PWWP2A: variants seen among roughly 807,000 people sequenced by gnomAD.
PWWP2A encodes PWWP domain-containing protein 2A.
A neutral mutation model predicts 48.5 loss-of-function variants in PWWP2A; 18 were observed. The ratio of observed to expected loss-of-function variants is 0.37; its 90% CI spans 0.26 to 0.55. The LOEUF is 0.55. PWWP2A is among the 20% of genes least tolerant of loss of function. The probability of loss-of-function intolerance (pLI) is 0.81; values close to 1 mark genes in which losing one functional copy is unlikely to be tolerated. For synonymous variants in PWWP2A, 396 were observed against 387.7 expected, an observed-to-expected ratio of 1.02 and a Z score of -0.25; for missense variants, 867 against 976.4, an observed-to-expected ratio of 0.89 and a Z score of 1.49.
At chr5:160,044,803 T>A in the PWWP2A span, among the ~76,000 whole-genome samples, 1 of 152,188 alleles carries the variant, frequency 6.6e-6, no homozygotes, top group African/African-American at 2.4e-5. Context: ...GCCCAGTAGG[T>A]CTCAGCCTTA....
Position 160,118,987 on chromosome 5 carries a change from C to T in PWWP2A, c.402G>A (p.Pro134=), listed in dbSNP as rs1252151013. Residue 134 remains proline (P), a synonymous_variant, in exon 1 of 2, where the codon CCG becomes CCA. Coordinates refer to ENST00000307063, the MANE Select transcript of PWWP2A (RefSeq NM_001130864.2). Reference sequence around the variant, plus strand: ...GCGCCGGGGCTACGGGCTGAGGCAGCGGCGGCTCCTCGCGCTCCTCGGGAG... The same window carrying T: ...GCGCCGGGGCTACGGGCTGAGGCAGTGGCGGCTCCTCGCGCTCCTCGGGAG... ...PPAPEEREEP[P]LPQPVAPALV... The T allele has an allele frequency of 6.3e-7, 1 of 1,596,428 alleles. No homozygotes were observed. Among genetic ancestry groups the T allele is most frequent in the Non-Finnish European group, 8.5e-7 (1 of 1,173,588 alleles).
At chr5:160,076,436 G>C (rs1293722779) in exon 4 of PWWP2A, 1 of 152,170 alleles carries the variant, frequency 6.6e-6, no homozygotes, top group African/African-American at 2.4e-5. Flanking sequence ...AGGCCATATA[G>C]AGTAGGGCAC....
At chr5:160,059,860 A>T (rs1437153456), downstream of PWWP2A, among the ~76,000 whole-genome samples, 3 of 152,354 alleles carry the variant, frequency 2.0e-5, no homozygotes, top group Non-Finnish European at 4.4e-5. Flanking sequence ...TATGAAAGAG[A>T]CATGAAATGA....
At chr5:160,089,777 A>C (rs1754921957), downstream of PWWP2A, 3 of 985,446 alleles carry the variant, frequency 3.0e-6, no homozygotes, top group Non-Finnish European at 3.6e-6. Context: ...GGTCTAAGCC[A>C]GTTTACTCCC....
chr5:160,101,807 A>T (rs200118457), intron 1 of PWWP2A, among the ~76,000 whole-genome samples: 5,872 of 120,128 alleles, frequency 0.049, 133 homozygotes, highest in East Asian at 0.11. Flanking sequence ...ACCAACTATT[A>T]AAAAAAAAAA....
At chr5:160,049,604 A>G in the PWWP2A span, 10 of 1,610,898 alleles carry the variant, frequency 6.2e-6, no homozygotes, top group East Asian at 4.5e-5. Flanking sequence ...GCCCTGGAAG[A>G]CTATAAATCT....
downstream of PWWP2A, among the ~76,000 whole-genome samples, chr5:160,058,525 C>A (rs1757608073): frequency 6.6e-6 from 1 of 151,798 alleles, no homozygotes; most frequent in South Asian, 2.1e-4. Context: ...ATTCTCCTGC[C>A]TCAGCCTCCT....
intron 2 of PWWP2A, among the ~76,000 whole-genome samples, chr5:160,084,574 G>A (rs1038741101): frequency 2.6e-5 from 4 of 151,294 alleles, no homozygotes; most frequent in African/African-American, 4.9e-5. Context: ...GACTACAGGC[G>A]TGCACCACCG....
chr5:160,118,611 A>T (rs1758380766), intron 1 of PWWP2A, among the ~76,000 whole-genome samples, 194 bp downstream of exon 1: 1 of 149,602 alleles, frequency 6.7e-6, no homozygotes, highest in African/African-American at 2.4e-5. Flanking sequence ...GCAGGCGCCC[A>T]CCTGGGGCCG....
In PWWP2A at chr5:160,078,685, A is replaced by C. The variant is rs1754020206; in HGVS notation, c.1670-517T>G. Among the ~76,000 whole-genome samples the C allele has an allele frequency of 6.6e-6, 1 of 152,198 alleles. No individual in the cohort carries two copies. Among genetic ancestry groups the C allele is most frequent in the African/African-American group, 2.4e-5 (1 of 41,462 alleles). On this transcript the variant is annotated intron_variant, in intron 3 of 3. Coordinates refer to the PWWP2A transcript ENST00000456329. The surrounding 1 kb of genome is among the most constrained non-coding windows in gnomAD (Gnocchi z 4.2). ...GGTCACACTGTCCACATACTTGCAA[A>C]GAGCAAAATAAGAAGGGAATGGAGG...
At chr5:160,088,795 C>G (rs970325552), downstream of PWWP2A, among the ~76,000 whole-genome samples, 1 of 152,148 alleles carries the variant, frequency 6.6e-6, no homozygotes, top group Non-Finnish European at 1.5e-5. Flanking sequence ...AGAAAATTAA[C>G]AACTTAAAAG....
chr5:160,104,695 C>T (rs147192463), intron 1 of PWWP2A, among the ~76,000 whole-genome samples: 1 of 152,188 alleles, frequency 6.6e-6, no homozygotes, highest in East Asian at 1.9e-4. Flanking sequence ...ATCCCAGCTA[C>T]TCATGAGGCT....
intron 1 of PWWP2A, among the ~76,000 whole-genome samples, chr5:160,095,441 A>T (rs1755534448): frequency 6.6e-6 from 1 of 152,172 alleles, no homozygotes; most frequent in Non-Finnish European, 1.5e-5. Flanking sequence ...AAATCAAATC[A>T]CACTACCAAA....
intron 1 of PWWP2A, among the ~76,000 whole-genome samples, chr5:160,110,598 C>T (rs1305596724): frequency 6.6e-6 from 1 of 151,796 alleles, no homozygotes; most frequent in Non-Finnish European, 1.5e-5. Flanking sequence ...CACAGCTACT[C>T]GGGAGGCTGA....
the PWWP2A span, among the ~76,000 whole-genome samples, chr5:160,050,474 A>T: frequency 8.0e-3 from 1,219 of 152,218 alleles, 7 homozygotes; most frequent in Non-Finnish European, 0.012. Flanking sequence ...AAATGAATTT[A>T]AAAAAAAGTT....
Position 160,078,117 on chromosome 5 carries a change from G to C in PWWP2A, c.*38C>G. ...CAGTCCTGATGCTCTGGTGTTCTCT[G>C]TGTCATTGTGGTACAGGTCCATGAA... On this transcript the variant is annotated 3_prime_UTR_variant, in exon 4 of 4. Coordinates refer to the PWWP2A transcript ENST00000456329. The surrounding 1 kb of genome is among the most constrained non-coding windows in gnomAD (Gnocchi z 4.2). The C allele has an allele frequency of 6.5e-7, 1 of 1,529,838 alleles. No homozygotes were observed. Among genetic ancestry groups the C allele is most frequent in the Non-Finnish European group, 8.9e-7 (1 of 1,124,682 alleles). The allele number at this position is 1,529,838 out of a possible 1,614,324, so 94.8% of individuals were successfully genotyped here.
downstream of PWWP2A, among the ~76,000 whole-genome samples, chr5:160,073,213 T>G (rs1473930946): frequency 7.1e-6 from 1 of 140,522 alleles, no homozygotes; most frequent in African/African-American, 2.7e-5. Context: ...GGCAGGTTAT[T>G]AGTATAAAAA....
chr5:160,083,407 G>A (rs1296540230), intron 2 of PWWP2A, among the ~76,000 whole-genome samples: 4 of 152,284 alleles, frequency 2.6e-5, no homozygotes, highest in Non-Finnish European at 2.9e-5. Flanking sequence ...TTCCCTCCTA[G>A]AAAGAGGAGA....
intron 1 of PWWP2A, among the ~76,000 whole-genome samples, chr5:160,104,555 C>T (rs1251191459): frequency 6.6e-6 from 1 of 152,128 alleles, no homozygotes; most frequent in Non-Finnish European, 1.5e-5. Context: ...GTAATCCTAG[C>T]ACTTTGGGAG....
Sources: allele counts gnomAD v4.1 joint callset (sites outside exome capture counted in the v4.1 genomes callset), GRCh38; gene constraint gnomAD v4.1.1; non-coding constraint Gnocchi (gnomAD v3.1); transcripts MANE v1.5; gene names NCBI Gene and HGNC (gene_info 2026-07-23, HGNC 2026-07-21).